RYR1: variants seen among roughly 807,000 people sequenced by gnomAD.
RYR1 encodes ryanodine receptor 1, also known as central core disease of muscle.
Under a neutral mutation model 583.5 loss-of-function variants are expected in RYR1, and 342 were observed. That is an observed-to-expected ratio of 0.59 (90% CI 0.54 to 0.64). The LOEUF (loss-of-function observed/expected upper bound fraction) is 0.64, where lower values mean the gene tolerates loss of function less well. Among genes scored for constraint, RYR1 ranks in the 30% least tolerant of loss-of-function variants. RYR1 has a pLI of 0.00. For missense variants in RYR1, 6,032 were observed against 6,917.2 expected (o/e 0.87, Z 4.54); for synonymous variants, 2,791 against 2,822.5 (o/e 0.99, Z 0.35).
At position 38,440,412 on chromosome 19, in the gene RYR1, G is replaced by A. The variant is rs1972616845; in HGVS notation, c.46-333G>A. Among the ~76,000 whole-genome samples, 6 of 152,294 alleles carry A rather than the reference G, an allele frequency of 3.9e-5. No individual in the cohort carries two copies. The South Asian group carries it at 1.0e-3, about 26-fold the overall frequency. ...AAATTAGCCAGGTGTGGTGGTGCAC[G>A]CTTGTAATTTCAGCTATTTGGGAGG... On this transcript the variant is annotated intron_variant, in intron 1 of 105. Coordinates refer to ENST00000359596, the MANE Select transcript of RYR1 (RefSeq NM_000540.3).
In RYR1 at chr19:38,433,807, C is replaced by T; in HGVS notation, c.-23C>T. 1 of 1,578,384 alleles carries T rather than the reference C, an allele frequency of 6.3e-7. No individual in the cohort carries two copies. The highest frequency in any genetic ancestry group is 8.7e-7 in the Non-Finnish European group (1 of 1,155,098). Reference sequence around the variant, plus strand: ...CTCCCTCTGTTCCCCGACCTCAGACCCTGGGCTTCCGACCTCGACATCATG... The same window carrying T: ...CTCCCTCTGTTCCCCGACCTCAGACTCTGGGCTTCCGACCTCGACATCATG... On this transcript the variant is annotated 5_prime_UTR_variant, in exon 1 of 106. Transcript: ENST00000359596.
At chr19:38,459,439 G>A in intron 19 of RYR1, 101 bp downstream of exon 19, 1 of 1,135,672 alleles carries the variant, frequency 8.8e-7, no homozygotes, top group Non-Finnish European at 1.3e-6. Context: ...CCAGGACACT[G>A]CAGCCTACCA....
chr19:38,461,603 G>A (rs1166424726), intron 20 of RYR1, among the ~76,000 whole-genome samples: 5 of 151,664 alleles, frequency 3.3e-5, no homozygotes, highest in Non-Finnish European at 7.4e-5. Context: ...GTCCACGACT[G>A]TAGTCCCAGC....
At chr19:38,459,473 C>A in intron 19 of RYR1, 135 bp downstream of exon 19, 1 of 831,248 alleles carries the variant, frequency 1.2e-6, no homozygotes, top group Non-Finnish European at 1.9e-6. Flanking sequence ...GTGTCCAGAA[C>A]CCTTACTTGA....
At chr19:38,494,845 AC>A (rs1220962128) in intron 39 of RYR1, among the ~76,000 whole-genome samples, 6 of 88,752 alleles carry the variant, frequency 6.8e-5, no homozygotes, top group South Asian at 3.9e-4. Flanking sequence ...GACATTCCCC[AC>A]CCCCCCCTTT....
chr19:38,504,629 A>C, intron 50 of RYR1, 119 bp from the exon 51 acceptor site: 4 of 1,377,906 alleles, frequency 2.9e-6, no homozygotes, highest in Non-Finnish European at 4.1e-6. Context: ...GAGAGGGACC[A>C]TAATTCAGGT....
In RYR1 at chr19:38,451,812, C is replaced by T. The variant is rs180914178; in HGVS notation, c.1171C>T (p.Arg391Cys). ...GHMDDALSLT[R>C]CQQEESQAAR... ...CATGGACGACGCACTGTCGCTGACC[C>T]GCTGCCAGCAGGAGGAGTCCCAGGC... The change falls in exon 12 of 106, where the codon CGC becomes TGC. Residue 391 changes from arginine (R) to cysteine (C), a missense_variant. Around this residue, in one of 11 missense-constraint regions of RYR1, gnomAD observed 338 missense variants for 441.6 expected, o/e 0.77. Coordinates refer to ENST00000359596, the MANE Select transcript of RYR1 (RefSeq NM_000540.3). 30 of 1,614,084 alleles carry T rather than the reference C, an allele frequency of 1.9e-5. No individual in the cohort carries two copies. The highest frequency in any genetic ancestry group is 1.6e-4 in the Middle Eastern group (1 of 6,062).
chr19:38,527,759 CA>C lies in RYR1; in HGVS notation c.10800del (p.Ala3601ProfsTer38). On this transcript the variant is annotated frameshift_variant, in exon 73 of 106. Coordinates refer to ENST00000359596, the MANE Select transcript of RYR1 (RefSeq NM_000540.3). LOFTEE classifies it high-confidence loss of function. ...EKIVRRVQEVSAVLYYLDQTE... is the reference protein window; with the variant it reads ...EKIVRRVQEVXAVLYYLDQTE... ...ATCGTGCGCAGAGTCCAGGAAGTGT[CA>C]GCCGTGCTCTACTACCTGGACCAGG... 6.2e-7 allele frequency: 1 copy of C among 1,613,924 alleles called. No homozygotes were observed. Among genetic ancestry groups the C allele is most frequent in the Non-Finnish European group, 8.5e-7 (1 of 1,180,006 alleles).
chr19:38,485,682 G>A lies in RYR1; in HGVS notation c.5027G>A (p.Gly1676Asp), dbSNP rs757387532. Residue 1676 changes from glycine to aspartate, a missense_variant, in exon 34 of 106, where the codon GGC becomes GAC. Physicochemically the swap from Gly to Asp is moderately conservative, Grantham distance 94. This residue lies in a region of RYR1 where 2,627 missense variants were observed against 2,961.3 expected (regional missense o/e 0.89). Transcript: ENST00000359596. ...LRLYRAVCALGNNRVAHALCS... is the reference protein window; with the variant it reads ...LRLYRAVCALDNNRVAHALCS... Reference sequence around the variant, plus strand: ...CTCTACCGCGCTGTGTGCGCCCTGGGCAACAATCGCGTGGCGCACGCTCTG... The same window carrying A: ...CTCTACCGCGCTGTGTGCGCCCTGGACAACAATCGCGTGGCGCACGCTCTG... 2 of 1,610,898 alleles carry A rather than the reference G, an allele frequency of 1.2e-6. No individual in the cohort carries two copies. The highest frequency in any genetic ancestry group is 1.7e-6 in the Non-Finnish European group (2 of 1,179,820).
intron 27 of RYR1, among the ~76,000 whole-genome samples, chr19:38,472,529 G>A (rs527873364): frequency 2.0e-5 from 3 of 152,240 alleles, no homozygotes; most frequent in East Asian, 3.9e-4. Flanking sequence ...AGAAGTGACC[G>A]GATTCCCATC....
intron 83 of RYR1, 100 bp from the exon 84 acceptor site, chr19:38,537,780 T>C: frequency 9.3e-7 from 1 of 1,079,814 alleles, no homozygotes; most frequent in South Asian, 1.2e-5. Context: ...CCCCCATGCT[T>C]TGTGCATGCG....
chr19:38,441,560 G>A (rs931634345), intron 2 of RYR1, among the ~76,000 whole-genome samples: 1 of 151,532 alleles, frequency 6.6e-6, no homozygotes, highest in African/African-American at 2.4e-5. Context: ...GAGAGGGCAG[G>A]GGATCGAGGG....
chr19:38,538,009 G>A, intron 84 of RYR1, 49 bp downstream of exon 84: 1 of 1,569,270 alleles, frequency 6.4e-7, no homozygotes, highest in Non-Finnish European at 8.8e-7. Flanking sequence ...TTTGGGGCTG[G>A]TACGGAAGGG....
Position 38,543,815 on chromosome 19 carries a change from A to G in RYR1, c.11952A>G (p.Leu3984=), listed in dbSNP as rs765983380. ...GNQQSLAHSR[L]WDAVVGFLHV... is the part of the protein sequence containing the mutation. ...AGCAGAGCCTGGCGCACAGTCGCCT[A>G]TGGGACGCAGTGGTGGGATTCCTGC... The change falls in exon 87 of 106, where the codon CTA becomes CTG. Residue 3984 remains leucine, a synonymous_variant. Coordinates refer to ENST00000359596, the MANE Select transcript of RYR1 (RefSeq NM_000540.3). This position sits in a 1 kb window ranked among gnomAD's most constrained non-coding sequence, Gnocchi z 4.4. 2.5e-6 allele frequency: 4 copies of G among 1,613,832 alleles called. No individual in the cohort carries two copies. The highest frequency in any genetic ancestry group is 2.7e-5 in the African/African-American group (2 of 74,926).
chr19:38,566,833 G>A, intron 91 of RYR1, 78 bp from the exon 92 acceptor site: 1 of 1,553,800 alleles, frequency 6.4e-7, no homozygotes, highest in Admixed American at 2.0e-5. Context: ...AAGAGAGAAA[G>A]GAGATGAGAG....
chr19:38,445,998 T>G (rs1439696757), intron 7 of RYR1, among the ~76,000 whole-genome samples: 1 of 151,766 alleles, frequency 6.6e-6, no homozygotes, highest in South Asian at 2.1e-4. Flanking sequence ...AAAACAAAAC[T>G]AAACAAAACG....
At chr19:38,497,599 G>A (rs891397205) in intron 42 of RYR1, among the ~76,000 whole-genome samples, 6 of 152,208 alleles carry the variant, frequency 3.9e-5, no homozygotes, top group Non-Finnish European at 5.9e-5. Flanking sequence ...AGTCAGTAAC[G>A]TTAGCTGCTG....
Position 38,505,015 on chromosome 19 carries a change from G to T in RYR1, c.8244G>T (p.Pro2748=), listed in dbSNP as rs749048565. The T allele has an allele frequency of 6.2e-7, 1 of 1,614,002 alleles. No homozygotes were observed. Among genetic ancestry groups the T allele is most frequent in the Non-Finnish European group, 8.5e-7 (1 of 1,180,018 alleles). ...RPVETLNVII[P]EKLDSFINKF... ...GTGCCCCCAACAGTGTGATCATCCC[G>T]GAGAAGCTGGACTCCTTCATTAACA... The change falls in exon 52 of 106, where the codon CCG becomes CCT. Residue 2748 remains proline, a synonymous_variant. Coordinates refer to ENST00000359596, the MANE Select transcript of RYR1 (RefSeq NM_000540.3).
At chr19:38,471,628 C>T (rs753074390) in intron 27 of RYR1, among the ~76,000 whole-genome samples, 12 of 152,042 alleles carry the variant, frequency 7.9e-5, no homozygotes, top group African/African-American at 2.9e-4. Context: ...AGGCTGGGCT[C>T]GGTGGCTCAT....
Sources: gnomAD v4.1 joint callset for allele counts (sites outside exome capture counted in the v4.1 genomes callset) on GRCh38, gnomAD v4.1.1 for gene constraint, gnomAD v4.1.1 regional missense constraint, Gnocchi (gnomAD v3.1) non-coding constraint, MANE v1.5 for transcripts, NCBI Gene and HGNC (gene_info 2026-07-23, HGNC 2026-07-21) for gene names.